LUZP2: variants seen among roughly 807,000 people sequenced by gnomAD.
The protein encoded by LUZP2 is leucine zipper protein 2.
In LUZP2, 52 loss-of-function variants were observed where a neutral mutation model predicts 51.6. The ratio of observed to expected loss-of-function variants is 1.01; its 90% confidence interval spans 0.81 to 1.27. The LOEUF is 1.27. Among genes scored for constraint, LUZP2 ranks in the 50% most tolerant of loss-of-function variants. The pLI is 0.00. For synonymous variants in LUZP2, 154 were observed against 137.3 expected, an observed-to-expected ratio of 1.12 and a Z score of -0.85; for missense variants, 436 against 395.4, an observed-to-expected ratio of 1.10 and a Z score of -0.87.
intron 9 of LUZP2, among the ~76,000 whole-genome samples, chr11:25,044,280 T>A (rs1335569703): frequency 8.5e-6 from 1 of 117,710 alleles, no homozygotes; most frequent in Non-Finnish European, 1.8e-5. Context: ...TATATATATA[T>A]ATATATATAT....
chr11:24,531,524 G>A (rs1590145137), intron 1 of LUZP2, among the ~76,000 whole-genome samples: 1 of 150,886 alleles, frequency 6.6e-6, no homozygotes, highest in East Asian at 1.9e-4. Context: ...AAATGAGAAT[G>A]CATTTTTCCT....
At position 24,939,918 on chromosome 11, in the gene LUZP2, C is replaced by G. The variant is rs190886706; in HGVS notation, c.522+25380C>G. ...GATTTTCCCTTCTCTTCCTGTGGTT[C>G]CTGGGCATGACTTATCCTTGCAGCC... On this transcript the variant is annotated intron_variant, in intron 7 of 11. Coordinates refer to ENST00000336930, the MANE Select transcript of LUZP2 (RefSeq NM_001009909.4). Among the ~76,000 whole-genome samples the G allele has an allele frequency of 4.3e-3, 656 of 152,224 alleles. 1 individual carries two copies. Among genetic ancestry groups the G allele is most frequent in the Admixed American group, 9.1e-3 (139 of 15,282 alleles).
chr11:25,010,685 C>CAA (rs1554954538), intron 9 of LUZP2, among the ~76,000 whole-genome samples: 1 of 151,608 alleles, frequency 6.6e-6, no homozygotes, highest in East Asian at 1.9e-4. Context: ...CCCATCTCTA[C>CAA]AAAATACAAA....
chr11:24,504,674 A>T (rs761729492), intron 1 of LUZP2, among the ~76,000 whole-genome samples: 1 of 152,180 alleles, frequency 6.6e-6, no homozygotes, highest in South Asian at 2.1e-4. Context: ...TTTATTTTAT[A>T]TAGAACACCT....
chr11:24,889,871 A>G (rs1185085899), intron 5 of LUZP2, among the ~76,000 whole-genome samples: 1 of 152,174 alleles, frequency 6.6e-6, no homozygotes, highest in Non-Finnish European at 1.5e-5. Flanking sequence ...GATGGCCACA[A>G]AGATATCTAT....
At chr11:24,517,634 A>T (rs1472769260) in intron 1 of LUZP2, among the ~76,000 whole-genome samples, 2 of 151,912 alleles carry the variant, frequency 1.3e-5, no homozygotes, top group Non-Finnish European at 2.9e-5. Flanking sequence ...GGCATCAGTC[A>T]CGTCACTGAT....
At chr11:24,896,164 C>T (rs1210296564) in intron 5 of LUZP2, among the ~76,000 whole-genome samples, 1 of 152,244 alleles carries the variant, frequency 6.6e-6, no homozygotes, top group East Asian at 1.9e-4. Context: ...GGTTCCTCCT[C>T]GTCCTAGGCT....
intron 1 of LUZP2, among the ~76,000 whole-genome samples, chr11:24,670,492 A>G (rs1856369137): frequency 6.6e-6 from 1 of 152,034 alleles, no homozygotes; most frequent in South Asian, 2.1e-4. Context: ...TGTCTTATTT[A>G]TCACATCAAA....
intron 1 of LUZP2, among the ~76,000 whole-genome samples, chr11:24,561,994 A>G (rs543760494): frequency 6.6e-6 from 1 of 152,214 alleles, no homozygotes; most frequent in Non-Finnish European, 1.5e-5. Context: ...TATATGAAAC[A>G]ATTTGAATTA....
At chr11:24,851,077 C>G (rs897081516) in intron 5 of LUZP2, among the ~76,000 whole-genome samples, 7 of 152,172 alleles carry the variant, frequency 4.6e-5, no homozygotes, top group Non-Finnish European at 1.0e-4. Context: ...ATTTGACTTC[C>G]TCTCCTCCTA....
chr11:24,962,097 G>C (rs1855427222), intron 7 of LUZP2, among the ~76,000 whole-genome samples: 1 of 152,092 alleles, frequency 6.6e-6, no homozygotes. Flanking sequence ...CTGGCTTGTA[G>C]AGTTTCTGCT....
intron 7 of LUZP2, among the ~76,000 whole-genome samples, chr11:24,930,768 A>C (rs190272843): frequency 2.6e-5 from 4 of 152,250 alleles, no homozygotes; most frequent in African/African-American, 9.6e-5. Context: ...GGATATCTAG[A>C]TCTCTAGTAA....
chr11:24,802,775 A>G (rs1849731096), intron 5 of LUZP2, among the ~76,000 whole-genome samples: 1 of 151,992 alleles, frequency 6.6e-6, no homozygotes, highest in African/African-American at 2.4e-5. Flanking sequence ...CACATGTTGA[A>G]AATTAATACC....
intron 7 of LUZP2, among the ~76,000 whole-genome samples, chr11:24,935,431 G>A (rs1205470820): frequency 6.6e-6 from 1 of 152,092 alleles, no homozygotes; most frequent in Admixed American, 6.5e-5. Flanking sequence ...TACTTTTTCA[G>A]TTTGAGACAT....
chr11:24,987,195 A>G (rs1856212155), intron 9 of LUZP2, among the ~76,000 whole-genome samples: 1 of 151,982 alleles, frequency 6.6e-6, no homozygotes, highest in Non-Finnish European at 1.5e-5. Context: ...AAGCCAGGAT[A>G]ACATGAAAAC....
intron 9 of LUZP2, among the ~76,000 whole-genome samples, chr11:25,045,412 CCG>C (rs879570951): frequency 1.3e-5 from 2 of 150,866 alleles, no homozygotes; most frequent in Non-Finnish European, 2.9e-5. Flanking sequence ...GAAAGTTACA[CCG>C]TCATTCTTTT....
chr11:24,584,432 A>G (rs747627057), intron 1 of LUZP2, among the ~76,000 whole-genome samples: 2 of 152,130 alleles, frequency 1.3e-5, no homozygotes, highest in Non-Finnish European at 2.9e-5. Flanking sequence ...ATTTCTGTTC[A>G]CCAAAGAAGT....
At chr11:24,773,291 C>G (rs1233595237) in intron 5 of LUZP2, among the ~76,000 whole-genome samples, 2 of 152,066 alleles carry the variant, frequency 1.3e-5, no homozygotes, top group African/African-American at 2.4e-5. Flanking sequence ...TTAAGTAAAA[C>G]AATCGCTAAC....
intron 4 of LUZP2, among the ~76,000 whole-genome samples, chr11:24,753,371 A>C (rs1301405769): frequency 6.6e-6 from 1 of 152,172 alleles, no homozygotes; most frequent in African/African-American, 2.4e-5. Context: ...GTAGGAACCC[A>C]GTCCTAGGTT....
Sources: gnomAD v4.1 joint callset for allele counts (sites outside exome capture counted in the v4.1 genomes callset) on GRCh38, gnomAD v4.1.1 for gene constraint, MANE v1.5 for transcripts, NCBI Gene and HGNC (gene_info 2026-07-23, HGNC 2026-07-21) for gene names.